Variants in LTBR observed in about 807,000 individuals in gnomAD.
LTBR encodes the protein tumor necrosis factor receptor superfamily member 3.
LTBR carries 15 observed loss-of-function variants against 45.4 expected under a neutral mutation model. The ratio of observed to expected loss-of-function variants is 0.33; its 90% CI spans 0.22 to 0.51. The LOEUF (loss-of-function observed/expected upper bound fraction) is 0.51, where lower values mean the gene tolerates loss of function less well. LTBR is among the 20% of genes least tolerant of loss of function. LTBR has a pLI of 0.97. For synonymous variants in LTBR, 228 were observed against 231.0 expected (o/e 0.99, Z 0.12); for missense variants, 450 against 565.5 (o/e 0.80, Z 2.07).
upstream of LTBR, among the ~76,000 whole-genome samples, chr12:6,379,909 G>A (rs1288667364): frequency 2.7e-5 from 4 of 146,028 alleles, no homozygotes; most frequent in Admixed American, 2.1e-4. Context: ...ACTCCAGCCT[G>A]GGAGACAAAG....
At chr12:6,384,742 C>T in intron 2 of LTBR, 58 bp downstream of exon 2, 1 of 1,507,634 alleles carries the variant, frequency 6.6e-7, no homozygotes, top group Non-Finnish European at 9.2e-7. Context: ...GGGGCTCCAG[C>T]CCCCTCGCGG....
At chr12:6,390,470 C>CA (rs1205664305) in intron 9 of LTBR, 130 bp downstream of exon 9, 2 of 989,200 alleles carry the variant, frequency 2.0e-6, no homozygotes, top group African/African-American at 3.3e-5. Flanking sequence ...CAGTCAGTGT[C>CA]ACAACTAGAG....
Position 6,386,004 on chromosome 12 carries a change from G to C in LTBR, c.473-62G>C, listed in dbSNP as rs1949041025. ...CCTGAGGCTTAAAGGAAACTCACAG[G>C]CCGGCAAAGGGCCCCTCCCTTTTGC... On this transcript the variant is annotated intron_variant, in intron 4 of 9. Transcript: ENST00000228918. The surrounding 1 kb of genome is among the most constrained non-coding windows in gnomAD (Gnocchi z 4.1). The C allele has an allele frequency of 8.6e-7, 1 of 1,161,506 alleles. No homozygotes were observed. Among genetic ancestry groups the C allele is most frequent in the African/African-American group, 1.5e-5 (1 of 65,334 alleles). The allele number at this position is 1,161,506 out of a possible 1,614,324, so 71.9% of individuals were successfully genotyped here. A position where few individuals can be genotyped will look rare whatever the true frequency, so the allele number is the denominator to read the frequency against.
intron 4 of LTBR, 159 bp from the exon 5 acceptor site, chr12:6,385,904 CAAA>C (rs4020662): frequency 4.3e-3 from 1,549 of 356,276 alleles, no homozygotes; most frequent in Middle Eastern, 9.1e-3. Context: ...GACTCCGTCT[CAAA>C]AAAAAAAAAA....
chr12:6,390,540 C>A lies in LTBR; in HGVS notation c.1031-120C>A, dbSNP rs140135942. The stretch of plus-strand genomic sequence containing the variant: ...AAATGAACACAGAAGCTCAATAAAC[C>A]AGCAGCAAGCAGGAGAGGGGCGGGG... On this transcript the variant is annotated intron_variant, in intron 9 of 9. Transcript: ENST00000228918. 2.8e-4 allele frequency: 313 copies of A among 1,122,300 alleles called. 2 individuals carry two copies. The African/African-American group carries it at 4.2e-3, about 15-fold the overall frequency. The allele number at this position is 1,122,300 out of a possible 1,614,324, so 69.5% of individuals were successfully genotyped here.
chr12:6,375,186 G>C, upstream of LTBR: 1 of 1,451,702 alleles, frequency 6.9e-7, no homozygotes, highest in African/African-American at 1.4e-5. Context: ...CTGTGTCTCA[G>C]CTCCTGCCTC....
upstream of LTBR, among the ~76,000 whole-genome samples, chr12:6,380,239 G>A (rs1381375683): frequency 6.6e-6 from 1 of 152,140 alleles, no homozygotes; most frequent in Non-Finnish European, 1.5e-5. Context: ...CTGGGTTAAG[G>A]CATTGTCACC....
At chr12:6,375,339 C>T, upstream of LTBR, 4 of 1,442,096 alleles carry the variant, frequency 2.8e-6, no homozygotes, top group South Asian at 1.5e-5. Context: ...TCAGCTCCAG[C>T]CTCTGGCCCT....
upstream of LTBR, among the ~76,000 whole-genome samples, chr12:6,379,953 A>T (rs1454663705): frequency 6.6e-6 from 1 of 151,652 alleles, no homozygotes; most frequent in African/African-American, 2.4e-5. Context: ...AAAAACAAAA[A>T]AAAAAACAAA....
upstream of LTBR, chr12:6,375,299 C>A (rs62624478): frequency 1.6e-4 from 226 of 1,438,642 alleles, no homozygotes; most frequent in Non-Finnish European, 1.9e-4. Context: ...CCTCTCCCCC[C>A]CTTGCCTTGC....
rs1565493041 is a variant in LTBR, at chr12:6,384,184, C to T, written c.-175C>T. ...TCCACTCCCACTTCCTGAGCTCCGC[C>T]ATGGGAGCCCTGGAGGCCCGGCCTG... On this transcript the variant is annotated 5_prime_UTR_variant, in exon 1 of 10. Transcript: ENST00000228918. The T allele has an allele frequency of 1.9e-5, 25 of 1,303,996 alleles. No individual in the cohort carries two copies. In the South Asian group the frequency reaches 5.9e-4, roughly 31 times the overall value. The allele number at this position is 1,303,996 out of a possible 1,614,324, so 80.8% of individuals were successfully genotyped here.
At chr12:6,387,264 G>A (rs954845996) in intron 6 of LTBR, 1 of 152,042 alleles carries the variant, frequency 6.6e-6, no homozygotes, top group Non-Finnish European at 1.5e-5. Flanking sequence ...ATATCCTCCC[G>A]GACATTTTCT....
In LTBR at chr12:6,384,248, C is replaced by A; in HGVS notation, c.-111C>A. ...CTGGGGTGCACATCGGCCCTGAGTC[C>A]CGTCCCAGGCTCTGGGCTCGGGCAG... On this transcript the variant is annotated 5_prime_UTR_variant, in exon 1 of 10. Coordinates refer to ENST00000228918, the MANE Select transcript of LTBR (RefSeq NM_002342.3). The A allele has an allele frequency of 3.6e-6, 5 of 1,403,438 alleles. No individual in the cohort carries two copies. The highest frequency in any genetic ancestry group is 4.6e-6 in the Non-Finnish European group (5 of 1,084,376). The allele number at this position is 1,403,438 out of a possible 1,614,324, so 86.9% of individuals were successfully genotyped here. A position where few individuals can be genotyped will look rare whatever the true frequency, so the allele number is the denominator to read the frequency against.
intron 8 of LTBR, chr12:6,389,080 T>C (rs970371544): frequency 2.9e-5 from 13 of 441,040 alleles, no homozygotes; most frequent in Non-Finnish European, 5.0e-5. Context: ...TCAGGTGGTA[T>C]AATTGCTAAA....
rs1949025572 is a variant in LTBR, at chr12:6,385,208, C to T, written c.320-19C>T. On this transcript the variant is annotated intron_variant, in intron 3 of 9. Coordinates refer to ENST00000228918, the MANE Select transcript of LTBR (RefSeq NM_002342.3). ...CCTGGAGCTTGGCCCCTCCCTGAGCCCTCCCGTCTCCCCGCCAGTGATGGG... is the reference window on the plus strand; with the variant it reads ...CCTGGAGCTTGGCCCCTCCCTGAGCTCTCCCGTCTCCCCGCCAGTGATGGG... 2.5e-6 allele frequency: 4 copies of T among 1,613,990 alleles called. No individual in the cohort carries two copies. Among genetic ancestry groups the T allele is most frequent in the African/African-American group, 1.3e-5 (1 of 74,910 alleles).
intron 8 of LTBR, chr12:6,389,766 G>A: frequency 5.5e-6 from 1 of 182,890 alleles, no homozygotes; most frequent in Non-Finnish European, 1.1e-5. Flanking sequence ...TTATGCCACT[G>A]CACTCCAGCC....
chr12:6,391,044 C>T lies in LTBR; in HGVS notation c.*107C>T. The T allele has an allele frequency of 4.1e-6, 5 of 1,228,382 alleles. No individual in the cohort carries two copies. The highest frequency in any genetic ancestry group is 5.5e-6 in the Non-Finnish European group (5 of 910,404). 76.1% of individuals were successfully genotyped at this position (1,228,382 alleles called of 1,614,324 possible). ...GGGGCCTGAGTAGGGCCCGGGGAAG[C>T]AGAGCCCTAAGGGATTAAGGCTCAG... On this transcript the variant is annotated 3_prime_UTR_variant, in exon 10 of 10. Coordinates refer to ENST00000228918, the MANE Select transcript of LTBR (RefSeq NM_002342.3).
intron 1 of LTBR, among the ~76,000 whole-genome samples, chr12:6,378,845 C>G (rs1379032987): frequency 6.6e-6 from 1 of 152,112 alleles, no homozygotes; most frequent in Non-Finnish European, 1.5e-5. Flanking sequence ...CCCCAGAGCC[C>G]CAGCCCTTCC....
rs1224193623 is a variant in LTBR at position 6,391,467 on chromosome 12, T to C, written c.*530T>C. 1.3e-5 allele frequency: 2 copies of C among 152,194 alleles called. No individual in the cohort carries two copies. The highest frequency in any genetic ancestry group is 2.9e-5 in the Non-Finnish European group (2 of 68,072). The allele number at this position is 152,194 out of a possible 1,614,324, so 9.4% of individuals were successfully genotyped here. On this transcript the variant is annotated 3_prime_UTR_variant, in exon 10 of 10. Coordinates refer to ENST00000228918, the MANE Select transcript of LTBR (RefSeq NM_002342.3). ...AGGGAGTCATTAACAACTAGGGGGT[T>C]GGGTAGGATTCCTAGGTATGGGGAA...
Sources: gnomAD v4.1 joint callset for allele counts (sites outside exome capture counted in the v4.1 genomes callset) on GRCh38, gnomAD v4.1.1 for gene constraint, Gnocchi (gnomAD v3.1) non-coding constraint, MANE v1.5 for transcripts, NCBI Gene and HGNC (gene_info 2026-07-23, HGNC 2026-07-21) for gene names.